The following SATB1 variants were observed in gnomAD, a reference collection of about 807,000 sequenced individuals.
SATB1 encodes SATB homeobox 1.
SATB1 carries 11 observed loss-of-function variants against 86.9 expected under a neutral mutation model. That is an observed-to-expected ratio of 0.13 (90% CI 0.08 to 0.21). The LOEUF is 0.21. Ranked by LOEUF, SATB1 falls within the 10% of genes least tolerant of loss-of-function variation. The probability of loss-of-function intolerance (pLI) is 1.00; values close to 1 mark genes in which losing one functional copy is unlikely to be tolerated. For missense variants in SATB1, 551 were observed against 937.6 expected (o/e 0.59, Z 5.39); for synonymous variants, 357 against 357.2 (o/e 1.00, Z 0.01).
At chr3:18,388,795 T>C (rs1696479972) in intron 7 of SATB1, among the ~76,000 whole-genome samples, 2 of 152,118 alleles carry the variant, frequency 1.3e-5, no homozygotes, top group Non-Finnish European at 2.9e-5. Flanking sequence ...GTTATAAATA[T>C]TTAGGATGTT....
intron 9 of SATB1, among the ~76,000 whole-genome samples, chr3:18,360,235 C>T (rs1694842617): frequency 6.6e-6 from 1 of 152,028 alleles, no homozygotes; most frequent in Non-Finnish European, 1.5e-5. Context: ...TTCTTGAATC[C>T]TCTTAACCAT....
Position 18,349,902 on chromosome 3 carries a change from G to T in SATB1, c.1780-220C>A, listed in dbSNP as rs984343068. On this transcript the variant is annotated intron_variant, in intron 10 of 10. Coordinates refer to ENST00000338745, the MANE Select transcript of SATB1 (RefSeq NM_002971.6). The surrounding 1 kb of genome is among the most constrained non-coding windows in gnomAD (Gnocchi z 5.5). ...GGGATGAATTAAGACAGCTTTGGGG[G>T]GCTACTGCACTTACTTATCAGAGAT... The T allele has an allele frequency of 5.5e-6, 4 of 723,360 alleles. No individual in the cohort carries two copies. The highest frequency in any genetic ancestry group is 5.6e-5 in the East Asian group (2 of 35,578). The allele number at this position is 723,360 out of a possible 1,614,324, so 44.8% of individuals were successfully genotyped here.
chr3:18,394,574 A>G lies in SATB1; in HGVS notation c.1094T>C (p.Val365Ala). Residue 365 changes from valine (V) to alanine (A), a missense_variant, in exon 7 of 11, where the codon GTT becomes GCT. Val to Ala is a moderately conservative substitution (Grantham distance 64). Around this residue, in one of 8 missense-constraint regions of SATB1, gnomAD observed 119 missense variants for 171.1 expected, o/e 0.70. Transcript: ENST00000338745. The surrounding 1 kb of genome is among the most constrained non-coding windows in gnomAD (Gnocchi z 5.9). The part of the protein sequence containing the change: ...RSMNKPLEQQ[V>A]STNTEVSSEI... ...GGAAGACACCTCTGTGTTGGTCGAA[A>G]CCTGTTGCTCCAAAGGCTTATTCAT... 1 of 1,614,128 alleles carries G rather than the reference A, an allele frequency of 6.2e-7. No individual in the cohort carries two copies. The highest frequency in any genetic ancestry group is 8.5e-7 in the Non-Finnish European group (1 of 1,180,030).
chr3:18,420,836 C>T lies in SATB1; in HGVS notation c.132G>A (p.Arg44=), dbSNP rs1698352518. The T allele has an allele frequency of 3.7e-6, 6 of 1,614,172 alleles. No individual in the cohort carries two copies. Among genetic ancestry groups the T allele is most frequent in the Non-Finnish European group, 5.1e-6 (6 of 1,180,036 alleles). Residue 44 remains arginine (R), a synonymous_variant, in exon 2 of 11, where the codon AGG becomes AGA. Transcript: ENST00000338745. ...GCATTTTTGCACCTGTACTCCCAAG[C>T]CTTCCTCTTCCTAGCGGGCTCCCGT... is the stretch of plus-strand genomic sequence containing the variant. ...EQNGSPLGRG[R]LGSTGAKMQG...
chr3:18,351,833 T>TA (rs746840905), intron 10 of SATB1, 159 bp downstream of exon 10: 2 of 659,320 alleles, frequency 3.0e-6, no homozygotes, highest in Non-Finnish European at 5.3e-6. Context: ...AGTATGTTAA[T>TA]ATTCATTTTA....
chr3:18,401,856 C>T (rs1159497766), intron 5 of SATB1, among the ~76,000 whole-genome samples: 1 of 152,148 alleles, frequency 6.6e-6, no homozygotes, highest in Non-Finnish European at 1.5e-5. Flanking sequence ...AAGTTCCGAT[C>T]TGAAAGAATG....
At position 18,423,888 on chromosome 3, in the gene SATB1, A is replaced by C. The variant is rs1698523016; in HGVS notation, c.-286T>G. 6.6e-6 allele frequency: 1 copy of C among 152,094 alleles called. No homozygotes were observed. Among genetic ancestry groups the C allele is most frequent in the Non-Finnish European group, 1.5e-5 (1 of 67,990 alleles). 9.4% of individuals were successfully genotyped at this position (152,094 alleles called of 1,614,324 possible). On this transcript the variant is annotated 5_prime_UTR_variant, in exon 1 of 11. Transcript: ENST00000338745. ...GAGTAGCCATGAGAAAGGGGTTTAA[A>C]AAAAAAATCACAATTCGAAAACCAA...
chr3:18,362,875 A>AAAAAAAAAAAC, intron 9 of SATB1, among the ~76,000 whole-genome samples: 1 of 145,692 alleles, frequency 6.9e-6, no homozygotes, highest in Admixed American at 6.8e-5. Flanking sequence ...AAAAAAAAAA[A>AAAAAAAAAAAC]AAAAAACCAA....
upstream of SATB1, among the ~76,000 whole-genome samples, chr3:18,426,620 T>C (rs1698714123): frequency 6.6e-6 from 1 of 152,218 alleles, no homozygotes; most frequent in African/African-American, 2.4e-5. This position sits in a 1 kb window ranked among gnomAD's most constrained non-coding sequence, Gnocchi z 4.2. Flanking sequence ...CATTTATCGC[T>C]TAGGTTTTAG....
At position 18,352,193 on chromosome 3, in the gene SATB1, T is replaced by C. The variant is rs760457938; in HGVS notation, c.1578A>G (p.Gly526=). 2.2e-5 allele frequency: 36 copies of C among 1,614,068 alleles called. No individual in the cohort carries two copies. The East Asian group carries it at 4.9e-4, about 22-fold the overall frequency. The change falls in exon 10 of 11, where the codon GGA becomes GGG. Residue 526 remains glycine (G), a splice_region_variant and synonymous_variant. Transcript: ENST00000338745. The surrounding 1 kb of genome is among the most constrained non-coding windows in gnomAD (Gnocchi z 4.1). ...TCCAGCGTAACAGCTCGCACAACCATCCCTTAGAGACAAGGGCATAATAGG... is the reference window on the plus strand; with the variant it reads ...TCCAGCGTAACAGCTCGCACAACCACCCCTTAGAGACAAGGGCATAATAGG... ...FAKVAATKSQ[G]WLCELLRWKE...
rs1694167728 is a variant in SATB1 at position 18,348,395 on chromosome 3, T to C, written c.*775A>G. ...TTGTTTTACTGCCCATCAAAATACATTTATAAATAGAAAAGAATCAGTATG... is the reference window on the plus strand; with the variant it reads ...TTGTTTTACTGCCCATCAAAATACACTTATAAATAGAAAAGAATCAGTATG... On this transcript the variant is annotated 3_prime_UTR_variant, in exon 11 of 11. Coordinates refer to ENST00000338745, the MANE Select transcript of SATB1 (RefSeq NM_002971.6). 6.6e-6 allele frequency: 1 copy of C among 152,518 alleles called. No homozygotes were observed. The highest frequency in any genetic ancestry group is 1.5e-5 in the Non-Finnish European group (1 of 68,008). 9.4% of individuals were successfully genotyped at this position (152,518 alleles called of 1,614,324 possible). A position where few individuals can be genotyped will look rare whatever the true frequency, so the allele number is the denominator to read the frequency against.
rs1213484295 is a variant in SATB1 at position 18,386,538 on chromosome 3, C to T, written c.1280G>A (p.Arg427Gln). Residue 427 changes from arginine (R) to glutamine (Q), a missense_variant, in exon 8 of 11, where the codon CGG becomes CAG. Around this residue, in one of 8 missense-constraint regions of SATB1, gnomAD observed 110 missense variants for 212.2 expected, o/e 0.52. Coordinates refer to ENST00000338745, the MANE Select transcript of SATB1 (RefSeq NM_002971.6). The surrounding 1 kb of genome is among the most constrained non-coding windows in gnomAD (Gnocchi z 4.5). ...TASQSLLVNL[R>Q]AMQNFLQLPE... ...TAACTGCAAGAAATTCTGCATAGCCCGAAGGTTTACCAGCAAAGACTGGGA... is the reference window on the plus strand; with the variant it reads ...TAACTGCAAGAAATTCTGCATAGCCTGAAGGTTTACCAGCAAAGACTGGGA... 1.2e-6 allele frequency: 2 copies of T among 1,613,866 alleles called. No homozygotes were observed. The highest frequency in any genetic ancestry group is 1.3e-5 in the African/African-American group (1 of 74,870).
chr3:18,441,013 T>C (rs765328229), upstream of SATB1, among the ~76,000 whole-genome samples: 1 of 152,202 alleles, frequency 6.6e-6, no homozygotes, highest in Non-Finnish European at 1.5e-5. Context: ...ACCTTTAATA[T>C]TTTGCAGCCT....
chr3:18,363,557 G>T (rs1247828789), intron 9 of SATB1, among the ~76,000 whole-genome samples: 2 of 152,150 alleles, frequency 1.3e-5, no homozygotes, highest in Admixed American at 1.3e-4. Flanking sequence ...CTCCAGGGGA[G>T]AATGGCAGCA....
upstream of SATB1, among the ~76,000 whole-genome samples, chr3:18,429,182 T>G (rs1446366442): frequency 6.6e-6 from 1 of 152,198 alleles, no homozygotes; most frequent in African/African-American, 2.4e-5. This position sits in a 1 kb window ranked among gnomAD's most constrained non-coding sequence, Gnocchi z 4.1. Flanking sequence ...GTTGGCCATA[T>G]AAGGATGTGT....
At chr3:18,422,807 G>A (rs1381354740) in intron 1 of SATB1, among the ~76,000 whole-genome samples, 1 of 152,162 alleles carries the variant, frequency 6.6e-6, no homozygotes, top group African/African-American at 2.4e-5. Flanking sequence ...GTAGACAACA[G>A]CATCAAAGTT....
chr3:18,363,071 G>C (rs1694999712), intron 9 of SATB1, among the ~76,000 whole-genome samples: 1 of 152,026 alleles, frequency 6.6e-6, no homozygotes, highest in African/African-American at 2.4e-5. Context: ...CCTAAAATGA[G>C]CTACACTCCC....
rs1252854171 is a variant in SATB1 at position 18,443,738 on chromosome 3, T to C, written c.-25+1780A>G. ...CCCGGGAGCCTTAGCACTGGAGCAA[T>C]AGGAAAAGGCCACCGCGCTCGGGTC... is the stretch of plus-strand genomic sequence containing the variant. On this transcript the variant is annotated intron_variant, in intron 1 of 3. Transcript: ENST00000415069. This position sits in a 1 kb window ranked among gnomAD's most constrained non-coding sequence, Gnocchi z 4.4. Among the ~76,000 whole-genome samples, 3 of 151,820 alleles carry C rather than the reference T, an allele frequency of 2.0e-5. No homozygotes were observed. The highest frequency in any genetic ancestry group is 2.9e-5 in the Non-Finnish European group (2 of 67,948).
At chr3:18,405,880 A>G (rs1446859815) in intron 5 of SATB1, among the ~76,000 whole-genome samples, 1 of 151,982 alleles carries the variant, frequency 6.6e-6, no homozygotes, top group Non-Finnish European at 1.5e-5. Flanking sequence ...ATAAACATAA[A>G]CCAATGTCAC....
Sources: gnomAD v4.1 joint callset for allele counts (sites outside exome capture counted in the v4.1 genomes callset) on GRCh38, gnomAD v4.1.1 for gene constraint, gnomAD v4.1.1 regional missense constraint, Gnocchi (gnomAD v3.1) non-coding constraint, MANE v1.5 for transcripts, NCBI Gene and HGNC (gene_info 2026-07-23, HGNC 2026-07-21) for gene names.